CD5: variants seen among roughly 807,000 people sequenced by gnomAD.
The protein encoded by CD5 is T-cell surface glycoprotein CD5.
Under a neutral mutation model 60.3 loss-of-function variants are expected in CD5, and 36 were observed. The observed-to-expected ratio is 0.60, with a 90% confidence interval of 0.46 to 0.79. The LOEUF (loss-of-function observed/expected upper bound fraction) is 0.79. Ranked by LOEUF, CD5 falls within the 30% of genes least tolerant of loss-of-function variation. The pLI is 0.00. For missense variants in CD5, 540 were observed against 630.6 expected (o/e 0.86, Z 1.54); for synonymous variants, 230 against 257.6 (o/e 0.89, Z 1.03).
intron 1 of CD5, among the ~76,000 whole-genome samples, chr11:61,103,450 G>C (rs1860729818): frequency 6.6e-6 from 1 of 152,220 alleles, no homozygotes. Flanking sequence ...AGGCTGGCAG[G>C]GAGAGGGTCC....
chr11:61,124,996 C>T, intron 8 of CD5, 36 bp from the exon 9 acceptor site: 1 of 1,613,296 alleles, frequency 6.2e-7, no homozygotes, highest in Non-Finnish European at 8.5e-7. Flanking sequence ...GAGGACACAG[C>T]CACAAGTCTG....
At chr11:61,097,513 A>G (rs555490968), upstream of CD5, among the ~76,000 whole-genome samples, 4 of 152,302 alleles carry the variant, frequency 2.6e-5, no homozygotes, top group South Asian at 8.3e-4. Flanking sequence ...GTGTGGACCC[A>G]CCCGGAGTCC....
intron 1 of CD5, among the ~76,000 whole-genome samples, chr11:61,109,614 C>A (rs7103177): frequency 0.021 from 3,220 of 152,026 alleles, 125 homozygotes; most frequent in African/African-American, 0.072. Context: ...TGAGAATTAT[C>A]CTGAATACTG....
chr11:61,116,708 C>CACCACA (rs1860966308), intron 2 of CD5, among the ~76,000 whole-genome samples: 1 of 53,680 alleles, frequency 1.9e-5, no homozygotes. Context: ...ACCACACACA[C>CACCACA]CACATGCACA....
intron 4 of CD5, 24 bp downstream of exon 4, chr11:61,119,001 C>A (rs183921154): frequency 6.3e-7 from 1 of 1,579,846 alleles, no homozygotes; most frequent in Non-Finnish European, 8.6e-7. Flanking sequence ...GAACCCCCCA[C>A]AGGGAGTCAG....
Position 61,102,570 on chromosome 11 carries a change from G to A in CD5, c.10G>A (p.Gly4Arg). 6.3e-7 allele frequency: 1 copy of A among 1,588,366 alleles called. No individual in the cohort carries two copies. Among genetic ancestry groups the A allele is most frequent in the East Asian group, 2.3e-5 (1 of 43,756 alleles). Residue 4 changes from glycine (G) to arginine (R), a missense_variant, in exon 1 of 11, where the codon GGG (glycine) becomes AGG (arginine). Transcript: ENST00000347785. ...GAGAAGGCCAGAAACCATGCCCATG[G>A]GGTCTCTGCAACCGCTGGCCACCTT... is the stretch of plus-strand genomic sequence containing the variant. Reference protein sequence around the residue: MPMGSLQPLATLYL... With the variant: MPMRSLQPLATLYL...
chr11:61,104,817 C>A (rs1376393703), intron 1 of CD5, among the ~76,000 whole-genome samples: 1 of 152,270 alleles, frequency 6.6e-6, no homozygotes, highest in Admixed American at 6.5e-5. Flanking sequence ...AGGCCGAGTG[C>A]AAACCCAGGG....
chr11:61,123,811 A>AAAAC, intron 7 of CD5, 73 bp from the exon 8 acceptor site: 2 of 262,110 alleles, frequency 7.6e-6, no homozygotes, highest in Non-Finnish European at 7.1e-6. Context: ...GCCCAGCCCC[A>AAAAC]TCCCCACCCC....
rs1555011295 is a variant in CD5 at position 61,118,625 on chromosome 11, C to A, written c.400+145C>A. ...TTATAACCACTCCCCAAGACACATACCCAGGAGGGGGACTGGAAGGGGCCA... is the reference window on the plus strand; with the variant it reads ...TTATAACCACTCCCCAAGACACATAACCAGGAGGGGGACTGGAAGGGGCCA... On this transcript the variant is annotated intron_variant, in intron 3 of 10. Transcript: ENST00000347785. The surrounding 1 kb of genome is among the most constrained non-coding windows in gnomAD (Gnocchi z 4.7). 1 of 777,882 alleles carries A rather than the reference C, an allele frequency of 1.3e-6. No homozygotes were observed. Among genetic ancestry groups the A allele is most frequent in the South Asian group, 1.8e-5 (1 of 56,804 alleles). The allele number at this position is 777,882 out of a possible 1,614,324, so 48.2% of individuals were successfully genotyped here.
intron 1 of CD5, among the ~76,000 whole-genome samples, chr11:61,107,077 G>A (rs763493217): frequency 3.3e-5 from 5 of 152,286 alleles, no homozygotes; most frequent in South Asian, 2.1e-4. Context: ...AATACTAGAC[G>A]GTCATGAGAG....
In CD5 at chr11:61,126,723, G is replaced by A. The variant is rs1443104788; in HGVS notation, c.*438G>A. The A allele has an allele frequency of 6.6e-6, 1 of 152,296 alleles. No individual in the cohort carries two copies. Among genetic ancestry groups the A allele is most frequent in the African/African-American group, 2.4e-5 (1 of 41,464 alleles). The allele number at this position is 152,296 out of a possible 1,614,324, so 9.4% of individuals were successfully genotyped here. A position where few individuals can be genotyped will look rare whatever the true frequency, so the allele number is the denominator to read the frequency against. On this transcript the variant is annotated 3_prime_UTR_variant, in exon 11 of 11. Transcript: ENST00000347785. The stretch of plus-strand genomic sequence containing the variant: ...CTTTTCCTCCTTCCTGACAAATCGA[G>A]CGCTTTGGCCTCTTCTGTGCAGCAT...
the CD5 span, among the ~76,000 whole-genome samples, chr11:61,097,182 A>G: frequency 6.6e-6 from 1 of 152,006 alleles, no homozygotes; most frequent in Non-Finnish European, 1.5e-5. Flanking sequence ...CCAGTCTCTC[A>G]ATGTCACTTC....
Position 61,113,073 on chromosome 11 carries a change from A to T in CD5, c.56-1983A>T, listed in dbSNP as rs573342068. On this transcript the variant is annotated intron_variant, in intron 1 of 10. Transcript: ENST00000347785. ...ACGGCCTTGAGCCATTGGCCCAGCT[A>T]AACACACCTATTTTTTAACACCAAG... 1.1e-3 allele frequency among the ~76,000 whole-genome samples: 169 copies of T among 152,298 alleles called. 3 individuals carry two copies. The highest frequency in any genetic ancestry group is 1.0e-4 in the Non-Finnish European group (7 of 68,028).
intron 6 of CD5, 100 bp from the exon 7 acceptor site, chr11:61,122,807 G>A (rs1232125287): frequency 8.5e-6 from 11 of 1,299,232 alleles, no homozygotes; most frequent in Non-Finnish European, 1.1e-5. Flanking sequence ...TTTCTCAGAT[G>A]AGCAAGGATG....
At chr11:61,119,760 T>C (rs991571424) in intron 5 of CD5, among the ~76,000 whole-genome samples, 185 bp downstream of exon 5, 1 of 152,102 alleles carries the variant, frequency 6.6e-6, no homozygotes, top group African/African-American at 2.4e-5. Context: ...GCATCCACAC[T>C]CAATGCCTTG....
chr11:61,096,541 T>TG, the CD5 span, among the ~76,000 whole-genome samples: 1 of 152,320 alleles, frequency 6.6e-6, no homozygotes, highest in East Asian at 1.9e-4. Context: ...ACCTGCTCGG[T>TG]GGGGGGACAT....
At position 61,118,171 on chromosome 11, in the gene CD5, C is replaced by T. The variant is rs200568806; in HGVS notation, c.95-4C>T. On this transcript the variant is annotated splice_polypyrimidine_tract_variant and splice_region_variant and intron_variant, in intron 2 of 10. Transcript: ENST00000347785. The surrounding 1 kb of genome is among the most constrained non-coding windows in gnomAD (Gnocchi z 4.7). ...GACCCCCACCACACCTTTCTGACCC[C>T]CAGATTTCCAGGCAAGGCTCACCCG... The T allele has an allele frequency of 1.2e-6, 2 of 1,611,676 alleles. No individual in the cohort carries two copies. Among genetic ancestry groups the T allele is most frequent in the Admixed American group, 1.7e-5 (1 of 59,976 alleles).
chr11:61,114,378 C>T (rs73486209), intron 1 of CD5, among the ~76,000 whole-genome samples: 4,885 of 152,254 alleles, frequency 0.032, 268 homozygotes, highest in African/African-American at 0.11. Flanking sequence ...GCACGAGGAT[C>T]ACTTGAGCCC....
Position 61,125,032 on chromosome 11 carries a change from T to G in CD5, c.1280T>G (p.Met427Arg), listed in dbSNP as rs780078452. ...WIGPTGMNQNMSFHRNHTATV... is the reference protein window; with the variant it reads ...WIGPTGMNQNRSFHRNHTATV... ...ACACTGTCTCCTACCATCTGCCCAG[T>G]GTCTTTCCATCGCAACCACACGGCA... The change falls in exon 9 of 11, where the codon ATG becomes AGG. Residue 427 changes from methionine to arginine, a missense_variant and splice_region_variant. Met to Arg is a moderately conservative substitution (Grantham distance 91). Transcript: ENST00000347785. The G allele has an allele frequency of 1.9e-6, 3 of 1,613,872 alleles. No homozygotes were observed. Among genetic ancestry groups the G allele is most frequent in the South Asian group, 2.2e-5 (2 of 91,078 alleles).
Sources: allele counts gnomAD v4.1 joint callset (sites outside exome capture counted in the v4.1 genomes callset), GRCh38; gene constraint gnomAD v4.1.1; non-coding constraint Gnocchi (gnomAD v3.1); transcripts MANE v1.5; gene names NCBI Gene and HGNC (gene_info 2026-07-23, HGNC 2026-07-21).